The following EPHB1 variants were observed in gnomAD, a reference collection of about 807,000 sequenced individuals.
The protein encoded by EPHB1 is ephrin type-B receptor 1.
Under a neutral mutation model 94.4 loss-of-function variants are expected in EPHB1, and 30 were observed. That is an observed-to-expected ratio of 0.32 (90% CI 0.24 to 0.43). The LOEUF (loss-of-function observed/expected upper bound fraction) is 0.43, where lower values mean the gene tolerates loss of function less well. Among genes scored for constraint, EPHB1 ranks in the 20% least tolerant of loss-of-function variants. The probability of loss-of-function intolerance (pLI) is 1.00; values close to 1 mark genes in which losing one functional copy is unlikely to be tolerated. For missense variants in EPHB1, 1,055 were observed against 1,308.3 expected (o/e 0.81, Z 2.99); for synonymous variants, 522 against 489.1 (o/e 1.07, Z -0.89).
Position 134,961,187 on chromosome 3 carries a change from A to G in EPHB1, c.805+9135A>G, listed in dbSNP as rs919817868. On this transcript the variant is annotated intron_variant, in intron 3 of 15. Transcript: ENST00000398015. The stretch of plus-strand genomic sequence containing the variant: ...CATTTTTCTTCCAGGAATATGCTGC[A>G]TTCTTAGCTCTTAGAAAGTGTTCAC... Among the ~76,000 whole-genome samples, 6 of 152,288 alleles carry G rather than the reference A, an allele frequency of 3.9e-5. No individual in the cohort carries two copies. In the East Asian group the frequency reaches 1.2e-3, roughly 29 times the overall value.
At chr3:135,215,823 G>T (rs562569348) in intron 12 of EPHB1, among the ~76,000 whole-genome samples, 3 of 152,154 alleles carry the variant, frequency 2.0e-5, no homozygotes, top group Non-Finnish European at 4.4e-5. Context: ...TGCATGTCAC[G>T]TGAGTTCCCA....
At chr3:135,096,840 G>A (rs968101379) in intron 3 of EPHB1, among the ~76,000 whole-genome samples, 1 of 152,208 alleles carries the variant, frequency 6.6e-6, no homozygotes, top group Admixed American at 6.5e-5. Context: ...GCTCATGCCT[G>A]TAGTGCCAGC....
chr3:135,013,959 A>G (rs1026396798), intron 3 of EPHB1, among the ~76,000 whole-genome samples: 13 of 152,198 alleles, frequency 8.5e-5, no homozygotes, highest in African/African-American at 3.1e-4. Context: ...GGTGGTGGAA[A>G]CACTACCCAC....
chr3:135,162,548 A>G (rs145973753), intron 7 of EPHB1, among the ~76,000 whole-genome samples: 3 of 152,308 alleles, frequency 2.0e-5, no homozygotes, highest in Admixed American at 2.0e-4. Context: ...CTGAAAGCTG[A>G]GCTCATGGCC....
chr3:135,096,820 A>T (rs769790276), intron 3 of EPHB1, among the ~76,000 whole-genome samples: 8 of 152,226 alleles, frequency 5.3e-5, no homozygotes, highest in African/African-American at 1.2e-4. Flanking sequence ...ATTCGGGGCC[A>T]GGCACAATGG....
chr3:135,001,415 G>C (rs1377147886), intron 3 of EPHB1, among the ~76,000 whole-genome samples: 1 of 152,172 alleles, frequency 6.6e-6, no homozygotes, highest in Non-Finnish European at 1.5e-5. Context: ...TCCCAGGGCT[G>C]TTCTATAGCC....
At chr3:135,052,106 G>T (rs1197622578) in intron 3 of EPHB1, among the ~76,000 whole-genome samples, 1 of 152,174 alleles carries the variant, frequency 6.6e-6, no homozygotes, top group Non-Finnish European at 1.5e-5. Flanking sequence ...CTCTATTTGA[G>T]CATTTAGAGA....
intron 1 of EPHB1, among the ~76,000 whole-genome samples, chr3:134,823,050 GAC>G (rs1208428684): frequency 6.6e-6 from 1 of 152,148 alleles, no homozygotes; most frequent in East Asian, 1.9e-4. Flanking sequence ...AGGACTACAG[GAC>G]CACCCAGCCT....
intron 5 of EPHB1, among the ~76,000 whole-genome samples, chr3:135,140,873 C>A (rs1940799881): frequency 6.6e-6 from 1 of 152,178 alleles, no homozygotes; most frequent in Admixed American, 6.5e-5. Context: ...CTGAATGCAG[C>A]AATTAACAAA....
chr3:135,078,135 A>C (rs1938013327), intron 3 of EPHB1, among the ~76,000 whole-genome samples: 1 of 152,184 alleles, frequency 6.6e-6, no homozygotes, highest in Non-Finnish European at 1.5e-5. Flanking sequence ...GTTCCTGCTC[A>C]AGGGTAGATT....
chr3:135,243,306 A>G (rs1004669162), intron 13 of EPHB1, among the ~76,000 whole-genome samples: 4 of 152,162 alleles, frequency 2.6e-5, no homozygotes, highest in Admixed American at 1.3e-4. Flanking sequence ...CAATCAGTGT[A>G]TGCTAGTTGT....
chr3:134,869,902 G>T (rs1321344097), intron 1 of EPHB1, among the ~76,000 whole-genome samples: 3 of 152,094 alleles, frequency 2.0e-5, no homozygotes, highest in Non-Finnish European at 4.4e-5. Context: ...CTGGCAAACA[G>T]GTGTGGGGAC....
intron 15 of EPHB1, among the ~76,000 whole-genome samples, chr3:135,249,849 T>C (rs937688856): frequency 1.4e-4 from 22 of 152,202 alleles, no homozygotes; most frequent in Admixed American, 2.0e-4. Flanking sequence ...AGGAAAAGCA[T>C]TGCACTGATT....
chr3:135,138,085 C>T (rs1305723290), intron 5 of EPHB1, among the ~76,000 whole-genome samples: 1 of 152,194 alleles, frequency 6.6e-6, no homozygotes, highest in Non-Finnish European at 1.5e-5. Context: ...AACAATTTTC[C>T]CCTCACTTGC....
intron 2 of EPHB1, among the ~76,000 whole-genome samples, chr3:134,932,015 G>A (rs1294065727): frequency 6.7e-6 from 1 of 150,222 alleles, no homozygotes; most frequent in Admixed American, 6.6e-5. Flanking sequence ...ACATATGCTT[G>A]TATGTGTGTG....
intron 3 of EPHB1, among the ~76,000 whole-genome samples, chr3:134,993,320 A>G (rs1324892558): frequency 6.6e-6 from 1 of 152,208 alleles, no homozygotes; most frequent in Non-Finnish European, 1.5e-5. Flanking sequence ...TAAATTGTCA[A>G]ACAGCACACT....
At chr3:135,069,798 T>A (rs1440423331) in intron 3 of EPHB1, among the ~76,000 whole-genome samples, 1 of 152,066 alleles carries the variant, frequency 6.6e-6, no homozygotes, top group Non-Finnish European at 1.5e-5. Context: ...ATTTTGATGA[T>A]CACTTGAGTC....
At chr3:135,036,568 T>C (rs1032503270) in intron 3 of EPHB1, among the ~76,000 whole-genome samples, 12 of 152,178 alleles carry the variant, frequency 7.9e-5, no homozygotes, top group African/African-American at 2.7e-4. Flanking sequence ...CTACATTAAC[T>C]TCACCCTTCA....
chr3:135,130,572 G>A (rs998697702), intron 4 of EPHB1, among the ~76,000 whole-genome samples: 3 of 152,196 alleles, frequency 2.0e-5, no homozygotes, highest in Admixed American at 2.0e-4. Context: ...GCAAAGACTT[G>A]TATGAGTTTA....
Sources: allele counts gnomAD v4.1 joint callset (sites outside exome capture counted in the v4.1 genomes callset), GRCh38; gene constraint gnomAD v4.1.1; transcripts MANE v1.5; gene names NCBI Gene and HGNC (gene_info 2026-07-23, HGNC 2026-07-21).